The following MCF2L variants were observed in gnomAD, a reference collection of about 807,000 sequenced individuals.
MCF2L encodes guanine nucleotide exchange factor DBS.
In MCF2L, 97 loss-of-function variants were observed where a neutral mutation model predicts 153.4. That is an observed-to-expected ratio of 0.63 (90% CI 0.54 to 0.75). MCF2L has a LOEUF of 0.75. Ranked by LOEUF, MCF2L falls within the 30% of genes least tolerant of loss-of-function variation. The pLI is 0.00. For missense variants in MCF2L, 1,347 were observed against 1,495.2 expected (o/e 0.90, Z 1.64); for synonymous variants, 659 against 632.2 (o/e 1.04, Z -0.64).
intron 3 of MCF2L, chr13:113,044,250 A>C (rs2086668153): frequency 3.9e-6 from 1 of 257,718 alleles, no homozygotes; most frequent in African/African-American, 2.2e-5. Context: ...CCAGATGCAG[A>C]CAGGGACACA....
At chr13:112,997,896 C>A (rs2083205219) in intron 1 of MCF2L, among the ~76,000 whole-genome samples, 1 of 152,260 alleles carries the variant, frequency 6.6e-6, no homozygotes, top group South Asian at 2.1e-4. Flanking sequence ...GCAGGGAGCA[C>A]CTTCCTGTTT....
chr13:113,008,731 G>C (rs1378552778), intron 1 of MCF2L: 12 of 152,214 alleles, frequency 7.9e-5, no homozygotes, highest in African/African-American at 2.9e-4. Context: ...CCTCTCCTCT[G>C]TCTCCTGTTT....
chr13:113,022,183 T>C (rs78917619), intron 2 of MCF2L, among the ~76,000 whole-genome samples: 4 of 151,806 alleles, frequency 2.6e-5, no homozygotes, highest in Admixed American at 2.0e-4. Context: ...CAGCCAGTGC[T>C]GAGAGGGAGC....
chr13:112,986,009 C>T (rs1290388443), intron 1 of MCF2L, among the ~76,000 whole-genome samples: 5 of 152,258 alleles, frequency 3.3e-5, no homozygotes, highest in Non-Finnish European at 7.3e-5. Flanking sequence ...CTCTTCCCGT[C>T]CCGTGGTCAG....
At position 112,960,261 on chromosome 13, in the gene MCF2L, C is replaced by G. The variant is rs1223376507; in HGVS notation, c.170-54502C>G. 1.3e-5 allele frequency among the ~76,000 whole-genome samples: 2 copies of G among 152,176 alleles called. No homozygotes were observed. Among genetic ancestry groups the G allele is most frequent in the African/African-American group, 4.8e-5 (2 of 41,438 alleles). On this transcript the variant is annotated intron_variant, in intron 2 of 29. Coordinates refer to the MCF2L transcript ENST00000375608. This position sits in a 1 kb window ranked among gnomAD's most constrained non-coding sequence, Gnocchi z 4.2. ...GCGTCTTTCCAAGAGACGGCCTCACCCGGTGAGAGAGCGGAGAGACCGAGA... is the reference window on the plus strand; with the variant it reads ...GCGTCTTTCCAAGAGACGGCCTCACGCGGTGAGAGAGCGGAGAGACCGAGA...
intron 2 of MCF2L, among the ~76,000 whole-genome samples, chr13:112,947,279 C>G (rs1489701515): frequency 6.6e-6 from 1 of 152,178 alleles, no homozygotes; most frequent in Non-Finnish European, 1.5e-5. Flanking sequence ...CATTCCACCC[C>G]CAGCTCCCCA....
At chr13:113,095,536 C>A in intron 27 of MCF2L, 1 of 1,029,216 alleles carries the variant, frequency 9.7e-7, no homozygotes, top group Non-Finnish European at 1.2e-6. Context: ...CTACTCTGGG[C>A]ACCACAGAGG....
chr13:113,063,546 C>CCACACAGCTGCCCACAGCGTT (rs2031888736), intron 5 of MCF2L, among the ~76,000 whole-genome samples: 2 of 151,658 alleles, frequency 1.3e-5, no homozygotes, highest in African/African-American at 4.9e-5. Context: ...CCCACGGTGT[C>CCACACAGCTGCCCACAGCGTT]CAGGGTTTGG....
At chr13:112,982,010 A>C (rs556807807) in intron 1 of MCF2L, among the ~76,000 whole-genome samples, 1 of 152,184 alleles carries the variant, frequency 6.6e-6, no homozygotes, top group African/African-American at 2.4e-5. Context: ...GAAGATGCTC[A>C]GCTCATGTTG....
intron 4 of MCF2L, among the ~76,000 whole-genome samples, chr13:113,056,779 GTTTT>G (rs2029932014): frequency 7.5e-5 from 10 of 132,726 alleles, no homozygotes; most frequent in Admixed American, 2.8e-4. Context: ...GGTGCTGAGT[GTTTT>G]GGCACTGAGT....
chr13:112,979,342 GC>G (rs1458366497), intron 1 of MCF2L: 2 of 1,263,016 alleles, frequency 1.6e-6, no homozygotes, highest in African/African-American at 3.1e-5. Flanking sequence ...AGGCCCAGCG[GC>G]TGGGTTTCTC....
Position 112,907,518 on chromosome 13 carries a change from C to T in MCF2L, c.169+5147C>T, listed in dbSNP as rs1032933628. On this transcript the variant is annotated intron_variant, in intron 2 of 29. Coordinates refer to the MCF2L transcript ENST00000375608. This position sits in a 1 kb window ranked among gnomAD's most constrained non-coding sequence, Gnocchi z 5.1. ...GTGGAGAATGGCTGAATCCTGGCAACTGTGGCCTTTGCAGGGGCTGTAGTT... is the reference window on the plus strand; with the variant it reads ...GTGGAGAATGGCTGAATCCTGGCAATTGTGGCCTTTGCAGGGGCTGTAGTT... Among the ~76,000 whole-genome samples the T allele has an allele frequency of 2.0e-5, 3 of 152,090 alleles. No individual in the cohort carries two copies. The highest frequency in any genetic ancestry group is 4.4e-5 in the Non-Finnish European group (3 of 68,022).
rs758022585 is a variant in MCF2L at position 113,077,070 on chromosome 13, T to C, written c.1519T>C (p.Phe507Leu). ...GTTTCAGGAGCACGTGCGAAAGGTC[T>C]TCCAGAAGCAGGCAAGCATGGAGGA... ...QDLMEHVRKV[F>L]QKQASMEEVF... is the part of the protein sequence containing the mutation. Residue 507 changes from phenylalanine to leucine, a missense_variant, in exon 13 of 30, where the codon TTC becomes CTC. Physicochemically the swap from Phe to Leu is conservative, Grantham distance 22. This residue lies in a region of MCF2L where 820 missense variants were observed against 921.2 expected (regional missense o/e 0.89). Coordinates refer to ENST00000535094, the MANE Select transcript of MCF2L (RefSeq NM_001112732.3). The C allele has an allele frequency of 1.9e-6, 3 of 1,612,310 alleles. No individual in the cohort carries two copies. Among genetic ancestry groups the C allele is most frequent in the Non-Finnish European group, 2.5e-6 (3 of 1,179,402 alleles).
rs1186229843 is a variant in MCF2L at position 113,088,568 on chromosome 13, G to T, written c.2774G>T (p.Ser925Ile). The change falls in exon 25 of 30, where the codon AGC becomes ATC. Residue 925 changes from serine (S) to isoleucine (I), a missense_variant. Coordinates refer to ENST00000535094, the MANE Select transcript of MCF2L (RefSeq NM_001112732.3). ...TSQLQACREA[S>I]QHRALEQSQS... ...GTCTGCTCCCTCCTCGCAGAAGCCA[G>T]CCAGCACCGGGCGCTGGAGCAGTCA... 1 of 1,610,876 alleles carries T rather than the reference G, an allele frequency of 6.2e-7. No homozygotes were observed. Among genetic ancestry groups the T allele is most frequent in the Admixed American group, 1.7e-5 (1 of 59,936 alleles).
chr13:113,017,006 C>T (rs567643873), intron 2 of MCF2L, among the ~76,000 whole-genome samples: 2 of 152,364 alleles, frequency 1.3e-5, no homozygotes, highest in African/African-American at 4.8e-5. Context: ...GCACACCACG[C>T]TGTTCTCAGG....
Position 113,078,684 on chromosome 13 carries a change from C to T in MCF2L, c.1753C>T (p.Arg585Trp), listed in dbSNP as rs142144978. Reference sequence around the variant, plus strand: ...TCCCCAGAGTGAGATGAGTGAGAGCCGGCAGGGCCGCGGCTCAGCGGGGGA... The same window carrying T: ...TCCCCAGAGTGAGATGAGTGAGAGCTGGCAGGGCCGCGGCTCAGCGGGGGA... ...RRAKSEMSES[R>W]QGRGSAGEEE... Residue 585 changes from arginine to tryptophan, a missense_variant, in exon 15 of 30, where the codon CGG becomes TGG. By Grantham distance (101) the Arg-to-Trp change is moderately radical. Around this residue, in one of 3 missense-constraint regions of MCF2L, gnomAD observed 820 missense variants for 921.2 expected, o/e 0.89. Transcript: ENST00000535094. 403 of 1,611,924 alleles carry T rather than the reference C, an allele frequency of 2.5e-4. No homozygotes were observed. The African/African-American group carries it at 4.3e-3, about 17-fold the overall frequency.
At chr13:112,914,850 A>G (rs1407808798) in intron 2 of MCF2L, among the ~76,000 whole-genome samples, 1 of 150,014 alleles carries the variant, frequency 6.7e-6, no homozygotes, top group Non-Finnish European at 1.5e-5. Flanking sequence ...ATTTTTTCAA[A>G]TCGTCATTGT....
At chr13:112,937,109 A>G (rs902807782) in intron 2 of MCF2L, among the ~76,000 whole-genome samples, 6 of 152,308 alleles carry the variant, frequency 3.9e-5, no homozygotes, top group Admixed American at 3.9e-4. Flanking sequence ...GCTGGAGTAC[A>G]GTGGCTCGAT....
At chr13:113,006,556 G>C (rs974181531) in intron 1 of MCF2L, among the ~76,000 whole-genome samples, 25 of 152,326 alleles carry the variant, frequency 1.6e-4, no homozygotes, top group African/African-American at 4.8e-4. Flanking sequence ...CTGCGGACAG[G>C]AGGTCCATGT....
Sources: gnomAD v4.1 joint callset for allele counts (sites outside exome capture counted in the v4.1 genomes callset) on GRCh38, gnomAD v4.1.1 for gene constraint, gnomAD v4.1.1 regional missense constraint, Gnocchi (gnomAD v3.1) non-coding constraint, MANE v1.5 for transcripts, NCBI Gene and HGNC (gene_info 2026-07-23, HGNC 2026-07-21) for gene names.